DPP10: variants seen among roughly 807,000 people sequenced by gnomAD.
DPP10 encodes the protein inactive dipeptidyl peptidase 10.
In DPP10, 33 loss-of-function variants were observed where a neutral mutation model predicts 120.9. That is an observed-to-expected ratio of 0.27 (90% CI 0.21 to 0.37). DPP10 has a LOEUF of 0.37. Ranked by LOEUF, DPP10 falls within the 10% of genes least tolerant of loss-of-function variation. DPP10 has a pLI of 1.00. For missense variants in DPP10, 816 were observed against 942.8 expected (o/e 0.87, Z 1.76); for synonymous variants, 337 against 326.1 (o/e 1.03, Z -0.36).
chr2:114,461,193 A>G (rs1678891674), intron 1 of DPP10, among the ~76,000 whole-genome samples: 3 of 152,156 alleles, frequency 2.0e-5, no homozygotes, highest in Non-Finnish European at 4.4e-5. Flanking sequence ...ATGAGTTAGC[A>G]TTTGAGTTCC....
At chr2:114,978,029 A>C (rs1699859633) in intron 1 of DPP10, among the ~76,000 whole-genome samples, 1 of 152,152 alleles carries the variant, frequency 6.6e-6, no homozygotes, top group South Asian at 2.1e-4. Context: ...ATTCTACCAG[A>C]CATGACAAAA....
intron 1 of DPP10, among the ~76,000 whole-genome samples, chr2:114,933,063 T>A (rs968164896): frequency 1.3e-5 from 2 of 152,202 alleles, no homozygotes; most frequent in Non-Finnish European, 2.9e-5. Flanking sequence ...ATAGACATAG[T>A]CTCATTTATT....
At chr2:115,529,036 G>C (rs1168662705) in intron 5 of DPP10, among the ~76,000 whole-genome samples, 2 of 151,954 alleles carry the variant, frequency 1.3e-5, no homozygotes, top group Non-Finnish European at 2.9e-5. Context: ...GGGGAAAACT[G>C]GGTGAAGAAC....
chr2:115,579,940 T>G (rs1357849603), intron 5 of DPP10: 1 of 152,228 alleles, frequency 6.6e-6, no homozygotes, highest in African/African-American at 2.4e-5. Flanking sequence ...AAGCCCAGCA[T>G]GCATTAACTA....
At chr2:115,074,662 C>A (rs896584704) in intron 1 of DPP10, among the ~76,000 whole-genome samples, 2 of 152,134 alleles carry the variant, frequency 1.3e-5, no homozygotes, top group Admixed American at 6.5e-5. Context: ...AAATGGTAAA[C>A]CATTTCGAAG....
At chr2:115,796,963 C>T (rs1684603607) in intron 19 of DPP10, among the ~76,000 whole-genome samples, 1 of 152,050 alleles carries the variant, frequency 6.6e-6, no homozygotes, top group Non-Finnish European at 1.5e-5. Flanking sequence ...TTACCCAATG[C>T]TGCCTGCCTA....
At chr2:115,077,044 G>T (rs757202500) in intron 1 of DPP10, among the ~76,000 whole-genome samples, 1 of 152,000 alleles carries the variant, frequency 6.6e-6, no homozygotes, top group Non-Finnish European at 1.5e-5. Flanking sequence ...ATTTATCTCA[G>T]ACTTTCATAG....
At chr2:115,371,250 T>C (rs1411703206) in intron 3 of DPP10, among the ~76,000 whole-genome samples, 2 of 152,162 alleles carry the variant, frequency 1.3e-5, no homozygotes, top group Non-Finnish European at 2.9e-5. Flanking sequence ...AGTTGAACTT[T>C]CATGTTGAAC....
At chr2:115,683,771 C>T (rs2149481095) in intron 5 of DPP10, among the ~76,000 whole-genome samples, 1 of 151,890 alleles carries the variant, frequency 6.6e-6, no homozygotes, top group Admixed American at 6.6e-5. Flanking sequence ...TGCCACTTAC[C>T]AAAATGGTGG....
chr2:115,468,827 C>G, intron 3 of DPP10: 1 of 441,188 alleles, frequency 2.3e-6, no homozygotes, highest in South Asian at 1.8e-5. Flanking sequence ...TGTGCTTATT[C>G]AGCAGGGCTC....
intron 3 of DPP10, among the ~76,000 whole-genome samples, chr2:115,401,128 G>A (rs2068043658): frequency 6.6e-6 from 1 of 152,156 alleles, no homozygotes; most frequent in South Asian, 2.1e-4. Context: ...AGGCCTGAGA[G>A]GGATTTGAGA....
chr2:114,787,625 G>T (rs759729443), intron 1 of DPP10, among the ~76,000 whole-genome samples: 1 of 152,108 alleles, frequency 6.6e-6, no homozygotes, highest in Non-Finnish European at 1.5e-5. Context: ...TTGCTGTTCA[G>T]CACACCGTCA....
chr2:114,598,574 C>T (rs1692113655), intron 1 of DPP10, among the ~76,000 whole-genome samples: 1 of 151,662 alleles, frequency 6.6e-6, no homozygotes, highest in African/African-American at 2.4e-5. Context: ...GAGTGCCTGA[C>T]AGGAAGGAGG....
intron 1 of DPP10, among the ~76,000 whole-genome samples, chr2:114,686,559 C>T (rs960410932): frequency 6.6e-6 from 1 of 151,828 alleles, no homozygotes; most frequent in African/African-American, 2.4e-5. Context: ...CTCCATGGCT[C>T]CAAGAGATAC....
intron 21 of DPP10, among the ~76,000 whole-genome samples, chr2:115,827,240 G>A (rs887690068): frequency 7.3e-5 from 11 of 150,124 alleles, no homozygotes; most frequent in African/African-American, 2.7e-4. Flanking sequence ...CACTCTTCAA[G>A]GTAATAAGCT....
chr2:114,627,604 AT>A (rs374107364), intron 1 of DPP10, among the ~76,000 whole-genome samples: 1 of 151,686 alleles, frequency 6.6e-6, no homozygotes, highest in South Asian at 2.1e-4. Flanking sequence ...GTGAGCTGGG[AT>A]TTTTTTTAGG....
intron 1 of DPP10, among the ~76,000 whole-genome samples, chr2:114,794,492 G>A (rs1683521948): frequency 6.6e-6 from 1 of 152,142 alleles, no homozygotes; most frequent in South Asian, 2.1e-4. Context: ...AGAAGACAAG[G>A]GAGATCAGTG....
intron 1 of DPP10, among the ~76,000 whole-genome samples, chr2:114,788,561 G>A (rs1022242173): frequency 7.9e-5 from 12 of 151,852 alleles, no homozygotes; most frequent in Admixed American, 3.3e-4. Flanking sequence ...GACTACAGGC[G>A]CCCACCACCA....
intron 1 of DPP10, among the ~76,000 whole-genome samples, chr2:114,662,063 C>A (rs1206810539): frequency 6.6e-6 from 1 of 151,726 alleles, no homozygotes; most frequent in Non-Finnish European, 1.5e-5. Context: ...CTCAGGTCGG[C>A]CGGCTGCCCC....
Sources: gnomAD v4.1 joint callset for allele counts (sites outside exome capture counted in the v4.1 genomes callset) on GRCh38, gnomAD v4.1.1 for gene constraint, MANE v1.5 for transcripts, NCBI Gene and HGNC (gene_info 2026-07-23, HGNC 2026-07-21) for gene names.